The following NAV2 variants were observed in gnomAD, a reference collection of about 807,000 sequenced individuals.
NAV2 encodes the protein helicase, APC down-regulated 1.
NAV2 carries 54 observed loss-of-function variants against 223.2 expected under a neutral mutation model. The ratio of observed to expected loss-of-function variants is 0.24; its 90% confidence interval spans 0.19 to 0.30. NAV2 has a LOEUF of 0.30. Among genes scored for constraint, NAV2 ranks in the 10% least tolerant of loss-of-function variants. The pLI is 1.00. For missense variants in NAV2, 2,806 were observed against 3,147.5 expected, an observed-to-expected ratio of 0.89 and a Z score of 2.60; for synonymous variants, 1,279 against 1,239.3, an observed-to-expected ratio of 1.03 and a Z score of -0.67.
At chr11:20,113,705 G>A (rs540430051) in intron 36 of NAV2, among the ~76,000 whole-genome samples, 2 of 152,246 alleles carry the variant, frequency 1.3e-5, no homozygotes, top group South Asian at 2.1e-4. Context: ...TTCAAGAAAC[G>A]GGGTTTTATT....
At chr11:19,504,503 T>C (rs1157123905) in intron 1 of NAV2, 1 of 152,170 alleles carries the variant, frequency 6.6e-6, no homozygotes, top group Non-Finnish European at 1.5e-5. Flanking sequence ...GAGGTTCCTG[T>C]TAGGAGACAT....
At chr11:19,664,382 A>AGTCCT (rs1247569343) in intron 1 of NAV2, among the ~76,000 whole-genome samples, 8 of 152,280 alleles carry the variant, frequency 5.3e-5, no homozygotes, top group African/African-American at 1.9e-4. Flanking sequence ...CCAGTTTCCT[A>AGTCCT]GTCCTGTCTG....
Position 20,068,305 on chromosome 11 carries a change from T to C in NAV2, c.4909-19T>C, listed in dbSNP as rs1390195978. ...AATGGACCCCCAAAGCATGTAACCC[T>C]CTCCCTTGTCATCTTTAGATTCGCA... On this transcript the variant is annotated intron_variant, in intron 21 of 37. Coordinates refer to ENST00000349880, the MANE Select transcript of NAV2 (RefSeq NM_145117.5). 6.2e-7 allele frequency: 1 copy of C among 1,613,522 alleles called. No individual in the cohort carries two copies.
chr11:19,599,293 T>A (rs1294422692), intron 1 of NAV2, among the ~76,000 whole-genome samples: 1 of 152,234 alleles, frequency 6.6e-6, no homozygotes, highest in Non-Finnish European at 1.5e-5. Flanking sequence ...TTGCAAATGG[T>A]TTGGCTGGAA....
At chr11:19,577,315 A>G (rs34810173) in intron 1 of NAV2, among the ~76,000 whole-genome samples, 27,379 of 152,258 alleles carry the variant, frequency 0.18, 3,310 homozygotes, top group African/African-American at 0.35. Flanking sequence ...TGCTTTTCAG[A>G]TACCTGTCCT....
intron 1 of NAV2, among the ~76,000 whole-genome samples, chr11:19,590,993 T>A (rs1451590607): frequency 6.6e-6 from 1 of 152,226 alleles, no homozygotes; most frequent in Non-Finnish European, 1.5e-5. Flanking sequence ...CTATACAGAA[T>A]CTTTAGGGTC....
intron 27 of NAV2, among the ~76,000 whole-genome samples, chr11:20,091,883 A>T (rs2060874732): frequency 6.6e-6 from 1 of 152,160 alleles, no homozygotes; most frequent in Admixed American, 6.5e-5. Context: ...GTCCTGCAGG[A>T]AAGAAGCCTG....
intron 1 of NAV2, among the ~76,000 whole-genome samples, chr11:19,403,034 T>C (rs1266317579): frequency 1.3e-5 from 2 of 152,244 alleles, no homozygotes; most frequent in African/African-American, 4.8e-5. Flanking sequence ...CAGCCACTTA[T>C]GTTGTGTGAA....
chr11:19,963,856 AT>A (rs2153413458), intron 10 of NAV2, among the ~76,000 whole-genome samples: 1 of 152,306 alleles, frequency 6.6e-6, no homozygotes, highest in Non-Finnish European at 1.5e-5. Context: ...TCAAGAGCCA[AT>A]TCTGCACAGT....
At chr11:19,372,602 A>C (rs2133867465) in intron 1 of NAV2, among the ~76,000 whole-genome samples, 1 of 152,274 alleles carries the variant, frequency 6.6e-6, no homozygotes, top group African/African-American at 2.4e-5. Context: ...TCTAACACTG[A>C]GTCCCCATCC....
Position 19,887,952 on chromosome 11 carries a change from T to G in NAV2, c.771-4482T>G, listed in dbSNP as rs868346514. On this transcript the variant is annotated intron_variant, in intron 5 of 37. Transcript: ENST00000349880. ...AGTGGTTTTGGGGGAAAGAACTGTT[T>G]TTTTTTTTTGCCATCAGCACGTACA... 6.6e-3 allele frequency among the ~76,000 whole-genome samples: 816 copies of G among 123,088 alleles called. 8 individuals are homozygous for G. The highest frequency in any genetic ancestry group is 0.046 in the African/African-American group (766 of 16,620). 80.8% of individuals were successfully genotyped at this position (123,088 alleles called of 152,430 possible).
At chr11:19,832,768 G>T (rs1188832767) in intron 2 of NAV2, among the ~76,000 whole-genome samples, 167 bp downstream of exon 2, 1 of 152,182 alleles carries the variant, frequency 6.6e-6, no homozygotes, top group Admixed American at 6.5e-5. Flanking sequence ...GTACCAGCTT[G>T]ATTTTATGCT....
At chr11:20,056,832 A>G (rs1028833922) in intron 19 of NAV2, among the ~76,000 whole-genome samples, 1 of 152,200 alleles carries the variant, frequency 6.6e-6, no homozygotes, top group Non-Finnish European at 1.5e-5. Context: ...TTTTTCATGG[A>G]TAAAATAGGA....
At chr11:19,698,833 T>TGC (rs1246818922) in intron 1 of NAV2, among the ~76,000 whole-genome samples, 6 of 152,072 alleles carry the variant, frequency 3.9e-5, no homozygotes, top group African/African-American at 1.4e-4. Context: ...AGAGAGAGTG[T>TGC]GTGTGTATGT....
chr11:19,422,662 T>C (rs1356676110), intron 1 of NAV2, among the ~76,000 whole-genome samples: 1 of 152,240 alleles, frequency 6.6e-6, no homozygotes. Context: ...CAGCCTGTTC[T>C]GCATGGCAAC....
intron 3 of NAV2, among the ~76,000 whole-genome samples, chr11:19,854,164 T>G (rs1388620182): frequency 5.3e-5 from 8 of 152,224 alleles, no homozygotes. Context: ...CCTGCATATG[T>G]CTTCATGGAG....
chr11:20,103,389 C>T lies in NAV2; in HGVS notation c.6552C>T (p.Leu2184=), dbSNP rs1455171464. ...SSLGEIFNGL[L]NCKYHKCPYI... is the part of the protein sequence containing the mutation. ...TGGGAGAGATCTTCAATGGGCTGCT[C>T]AACTGCAAGTACCACAAATGGTAAA... Residue 2184 remains leucine (L), a synonymous_variant, in exon 33 of 38, where the codon CTC becomes CTT. Coordinates refer to ENST00000349880, the MANE Select transcript of NAV2 (RefSeq NM_145117.5). The T allele has an allele frequency of 6.2e-7, 1 of 1,613,860 alleles. No individual in the cohort carries two copies. Among genetic ancestry groups the T allele is most frequent in the East Asian group, 2.2e-5 (1 of 44,882 alleles).
intron 35 of NAV2, among the ~76,000 whole-genome samples, chr11:20,106,017 T>A (rs1182006568): frequency 6.6e-6 from 1 of 151,412 alleles, no homozygotes; most frequent in East Asian, 2.0e-4. Flanking sequence ...TTGGCTTTGC[T>A]TGAAAAATAA....
chr11:19,366,555 C>T (rs1218062102), intron 1 of NAV2, among the ~76,000 whole-genome samples: 1 of 152,158 alleles, frequency 6.6e-6, no homozygotes, highest in Non-Finnish European at 1.5e-5. Flanking sequence ...TCTGCCAGAG[C>T]TGTCAGTGGT....
Sources: gnomAD v4.1 joint callset for allele counts (sites outside exome capture counted in the v4.1 genomes callset) on GRCh38, gnomAD v4.1.1 for gene constraint, MANE v1.5 for transcripts, NCBI Gene and HGNC (gene_info 2026-07-23, HGNC 2026-07-21) for gene names.